The following NFATC1 variants were observed in gnomAD, a reference collection of about 807,000 sequenced individuals.
The protein encoded by NFATC1 is nuclear factor of activated T-cells, cytoplasmic 1.
A neutral mutation model predicts 76.0 loss-of-function variants in NFATC1; 22 were observed. That is an observed-to-expected ratio of 0.29 (90% CI 0.21 to 0.41). NFATC1 has a LOEUF of 0.41. Among genes scored for constraint, NFATC1 ranks in the 10% least tolerant of loss-of-function variants. The pLI is 1.00. For missense variants in NFATC1, 1,357 were observed against 1,337.7 expected (o/e 1.01, Z -0.23); for synonymous variants, 704 against 613.1 (o/e 1.15, Z -2.19).
chr18:79,410,077 G>T lies in NFATC1; in HGVS notation c.128-326G>T. The stretch of plus-strand genomic sequence containing the variant: ...GATGAAGATGGGGTGGTTGGGGAAG[G>T]TGGTTTTTGAATGAAGAGCGGAACC... On this transcript the variant is annotated intron_variant, in intron 1 of 9. Transcript: ENST00000427363. This position sits in a 1 kb window ranked among gnomAD's most constrained non-coding sequence, Gnocchi z 6.7. The T allele has an allele frequency of 1.5e-6, 1 of 673,736 alleles. No individual in the cohort carries two copies. Among genetic ancestry groups the T allele is most frequent in the Non-Finnish European group, 2.8e-6 (1 of 358,990 alleles). 41.7% of individuals were successfully genotyped at this position (673,736 alleles called of 1,614,324 possible). A position where few individuals can be genotyped will look rare whatever the true frequency, so the allele number is the denominator to read the frequency against.
chr18:79,476,803 C>T (rs1034837809), intron 8 of NFATC1, among the ~76,000 whole-genome samples: 2 of 152,242 alleles, frequency 1.3e-5, no homozygotes, highest in Non-Finnish European at 2.9e-5. Flanking sequence ...CTCCACGGAG[C>T]TGCAGTTTCA....
chr18:79,507,913 C>G (rs1193153875), intron 9 of NFATC1, among the ~76,000 whole-genome samples: 2 of 152,262 alleles, frequency 1.3e-5, no homozygotes, highest in Admixed American at 6.5e-5. Flanking sequence ...GGCCGTCGCT[C>G]TGGCCGGGCT....
rs755763937 is a variant in NFATC1 at position 79,410,923 on chromosome 18, C to T, written c.648C>T (p.Asp216=). ...CCTGCGTGTCTCCCAAGACCACGGA[C>T]CCCGAGGAGGGCTTTCCCCGCGGGC... ...QSPCVSPKTT[D]PEEGFPRGLG... The change falls in exon 2 of 10, where the codon GAC becomes GAT. Residue 216 remains aspartate, a synonymous_variant. Coordinates refer to ENST00000427363, the MANE Select transcript of NFATC1 (RefSeq NM_001278669.2). This position sits in a 1 kb window ranked among gnomAD's most constrained non-coding sequence, Gnocchi z 6.7. The T allele has an allele frequency of 2.2e-5, 35 of 1,605,876 alleles. No individual in the cohort carries two copies. The highest frequency in any genetic ancestry group is 2.8e-5 in the Non-Finnish European group (33 of 1,177,376).
At chr18:79,469,332 G>A (rs1463021701) in intron 8 of NFATC1, 2 of 985,476 alleles carry the variant, frequency 2.0e-6, no homozygotes, top group African/African-American at 1.7e-5. Flanking sequence ...GCATGCGGCA[G>A]TCCCCACCGT....
intron 9 of NFATC1, among the ~76,000 whole-genome samples, chr18:79,522,277 G>T (rs2090624193): frequency 7.3e-6 from 1 of 136,844 alleles, no homozygotes; most frequent in Non-Finnish European, 1.6e-5. Context: ...GTGTAGAGGG[G>T]TGCGTCTACT....
chr18:79,474,208 ATGCT>A (rs2088930207), intron 8 of NFATC1, among the ~76,000 whole-genome samples: 2 of 23,820 alleles, frequency 8.4e-5, no homozygotes, highest in East Asian at 1.2e-3. Context: ...GCGTGTTCTC[ATGCT>A]CACTGTCGAC....
intron 2 of NFATC1, among the ~76,000 whole-genome samples, chr18:79,431,994 C>T (rs1303218859): frequency 1.3e-5 from 2 of 152,268 alleles, no homozygotes; most frequent in African/African-American, 4.8e-5. Flanking sequence ...AGCCACCATG[C>T]CCGGCCCTTG....
At chr18:79,447,991 C>T (rs1323254213) in intron 3 of NFATC1, among the ~76,000 whole-genome samples, 2 of 152,218 alleles carry the variant, frequency 1.3e-5, no homozygotes, top group African/African-American at 4.8e-5. Flanking sequence ...CACACCTTCC[C>T]AGAGGCGTGA....
At chr18:79,511,485 AG>A (rs2090252113) in intron 9 of NFATC1, among the ~76,000 whole-genome samples, 1 of 152,218 alleles carries the variant, frequency 6.6e-6, no homozygotes, top group African/African-American at 2.4e-5. Flanking sequence ...CCGTTAAGCC[AG>A]GGGAGGGCGG....
intron 9 of NFATC1, chr18:79,493,601 C>T (rs2089763886): frequency 6.6e-6 from 1 of 152,366 alleles, no homozygotes; most frequent in East Asian, 1.9e-4. Context: ...TGAACGGGCC[C>T]CTCGCCCGCC....
At chr18:79,407,418 C>T (rs1268906967) in intron 1 of NFATC1, among the ~76,000 whole-genome samples, 1 of 152,158 alleles carries the variant, frequency 6.6e-6, no homozygotes, top group Non-Finnish European at 1.5e-5. Flanking sequence ...CTGCCTGTGG[C>T]TCTGGGGAAA....
intron 8 of NFATC1, among the ~76,000 whole-genome samples, chr18:79,474,770 C>T (rs1328366542): frequency 6.7e-6 from 1 of 150,186 alleles, no homozygotes; most frequent in African/African-American, 2.5e-5. Flanking sequence ...CTCACGCTCA[C>T]TGTCGACGTT....
chr18:79,511,985 G>A (rs918637553), intron 9 of NFATC1, among the ~76,000 whole-genome samples: 4 of 152,132 alleles, frequency 2.6e-5, no homozygotes, highest in African/African-American at 4.8e-5. Flanking sequence ...CAGCTGAGAC[G>A]TCCGCAGCCA....
chr18:79,441,372 C>T (rs778223184), intron 3 of NFATC1, among the ~76,000 whole-genome samples: 1 of 152,176 alleles, frequency 6.6e-6, no homozygotes, highest in Non-Finnish European at 1.5e-5. Flanking sequence ...GCGGGCAGCG[C>T]TCCTGGGCCT....
chr18:79,396,399 C>T (rs893616582), intron 1 of NFATC1, 48 bp downstream of exon 1: 4 of 1,136,000 alleles, frequency 3.5e-6, no homozygotes, highest in Non-Finnish European at 4.4e-6. Flanking sequence ...CCCCCCACGG[C>T]CCGGGCCGCG....
In NFATC1 at chr18:79,475,453, G is replaced by C. The variant is rs574816612; in HGVS notation, c.2092+7871G>C. The stretch of plus-strand genomic sequence containing the variant: ...AGGGAAGCGTGTTCTCACGCTCACT[G>C]TCAACGTTGTGAGGGAAGGGTGTTT... On this transcript the variant is annotated intron_variant, in intron 8 of 9. Transcript: ENST00000427363. Among the ~76,000 whole-genome samples the C allele has an allele frequency of 1.8e-3, 279 of 151,534 alleles. 1 individual carries two copies. Among genetic ancestry groups the C allele is most frequent in the South Asian group, 3.3e-3 (16 of 4,812 alleles).
At position 79,488,693 on chromosome 18, in the gene NFATC1, G is replaced by A. The variant is rs566858907; in HGVS notation, c.2782+1756G>A. 5.1e-3 allele frequency among the ~76,000 whole-genome samples: 774 copies of A among 152,322 alleles called. 6 individuals are homozygous for A. Among genetic ancestry groups the A allele is most frequent in the African/African-American group, 0.018 (734 of 41,560 alleles). ...CTGCCTTCCTCCCCAGCCCCTGCGC[G>A]AGGTGGACGCTGACATCCATGCCTC... On this transcript the variant is annotated intron_variant, in intron 9 of 9. Coordinates refer to ENST00000427363, the MANE Select transcript of NFATC1 (RefSeq NM_001278669.2).
At position 79,509,060 on chromosome 18, in the gene NFATC1, G is replaced by A. The variant is rs143766490; in HGVS notation, c.2783-18468G>A. 5.7e-3 allele frequency among the ~76,000 whole-genome samples: 868 copies of A among 152,338 alleles called. 11 individuals are homozygous for A. Among genetic ancestry groups the A allele is most frequent in the African/African-American group, 0.02 (815 of 41,564 alleles). On this transcript the variant is annotated intron_variant, in intron 9 of 9. Coordinates refer to ENST00000427363, the MANE Select transcript of NFATC1 (RefSeq NM_001278669.2). ...TTGCAGTGTCCTGTACGGAGAAAGC[G>A]GAGAACTAGAGCATTGGAGAGACCC...
chr18:79,512,604 C>T (rs1005528976), intron 9 of NFATC1, among the ~76,000 whole-genome samples: 1 of 152,168 alleles, frequency 6.6e-6, no homozygotes, highest in Non-Finnish European at 1.5e-5. Context: ...CCTTGTGCTT[C>T]CCGTTTGCTG....
Sources: allele counts gnomAD v4.1 joint callset (sites outside exome capture counted in the v4.1 genomes callset), GRCh38; gene constraint gnomAD v4.1.1; non-coding constraint Gnocchi (gnomAD v3.1); transcripts MANE v1.5; gene names NCBI Gene and HGNC (gene_info 2026-07-23, HGNC 2026-07-21).